Variants in VGLL4 observed in about 807,000 individuals in gnomAD.
The protein encoded by VGLL4 is transcription cofactor vestigial-like protein 4.
In VGLL4, 7 loss-of-function variants were observed where a neutral mutation model predicts 21.0. That is an observed-to-expected ratio of 0.33 (90% confidence interval 0.19 to 0.63). The LOEUF (loss-of-function observed/expected upper bound fraction) is 0.63, where lower values mean the gene tolerates loss of function less well. VGLL4 is among the 20% of genes least tolerant of loss of function. The pLI is 0.78. For synonymous variants in VGLL4, 222 were observed against 173.2 expected (o/e 1.28, Z -2.21); for missense variants, 394 against 425.7 (o/e 0.93, Z 0.66).
At chr3:11,620,071 A>G (rs1299960245) in intron 1 of VGLL4, among the ~76,000 whole-genome samples, 1 of 152,198 alleles carries the variant, frequency 6.6e-6, no homozygotes, top group Admixed American at 6.5e-5. Flanking sequence ...AGTAATCAGG[A>G]TGTTGGGTAC....
intron 1 of VGLL4, among the ~76,000 whole-genome samples, chr3:11,704,409 A>G (rs148811470): frequency 6.7e-6 from 1 of 149,956 alleles, no homozygotes; most frequent in African/African-American, 2.5e-5. Flanking sequence ...AAAAAAAGAA[A>G]AAAAGAAAAG....
At chr3:11,711,283 T>TA (rs2076839162) in intron 1 of VGLL4, among the ~76,000 whole-genome samples, 1 of 152,058 alleles carries the variant, frequency 6.6e-6, no homozygotes, top group Non-Finnish European at 1.5e-5. Flanking sequence ...TTCACCCCTG[T>TA]AATCCCAGCA....
At chr3:11,567,282 CAGCCCTCAGTG>C (rs2073581816) in intron 2 of VGLL4, among the ~76,000 whole-genome samples, 1 of 152,132 alleles carries the variant, frequency 6.6e-6, no homozygotes, top group Non-Finnish European at 1.5e-5. Flanking sequence ...CGGCGCAGTG[CAGCCCTCAGTG>C]AGCGCCAAGA....
chr3:11,717,740 GC>G (rs2076939293), intron 1 of VGLL4, among the ~76,000 whole-genome samples: 1 of 152,140 alleles, frequency 6.6e-6, no homozygotes, highest in South Asian at 2.1e-4. Flanking sequence ...TTGGGGGATA[GC>G]AGTAACAACT....
intron 1 of VGLL4, among the ~76,000 whole-genome samples, chr3:11,619,041 C>T (rs1175834341): frequency 2.0e-5 from 3 of 152,192 alleles, no homozygotes; most frequent in Non-Finnish European, 4.4e-5. Flanking sequence ...GTGGCCGTTT[C>T]TGGGCCTACT....
chr3:11,607,925 C>G (rs549021919), intron 1 of VGLL4, among the ~76,000 whole-genome samples: 1 of 152,138 alleles, frequency 6.6e-6, no homozygotes, highest in Admixed American at 6.6e-5. Context: ...ATCAGTGTGT[C>G]GAGTGCCTGT....
chr3:11,681,593 A>G (rs2076371858), intron 2 of VGLL4, among the ~76,000 whole-genome samples: 1 of 152,256 alleles, frequency 6.6e-6, no homozygotes, highest in African/African-American at 2.4e-5. Flanking sequence ...CAATCTCAGA[A>G]GAAAAAACAT....
chr3:11,573,397 A>G (rs1217125971), intron 2 of VGLL4, among the ~76,000 whole-genome samples: 1 of 150,744 alleles, frequency 6.6e-6, no homozygotes, highest in African/African-American at 2.4e-5. Context: ...GAAAGAAAGA[A>G]AATGGCCCCA....
intron 1 of VGLL4, among the ~76,000 whole-genome samples, chr3:11,605,009 G>A (rs2074898035): frequency 7.1e-6 from 1 of 140,958 alleles, no homozygotes; most frequent in Non-Finnish European, 1.5e-5. Context: ...CTCTGAGATG[G>A]AAACCCCGCA....
At chr3:11,677,272 C>T (rs983040320) in intron 2 of VGLL4, among the ~76,000 whole-genome samples, 3 of 151,704 alleles carry the variant, frequency 2.0e-5, no homozygotes, top group Non-Finnish European at 4.4e-5. Context: ...AAAGAACAGA[C>T]TGCAATTTTT....
At chr3:11,626,759 A>G (rs1248704902) in intron 1 of VGLL4, among the ~76,000 whole-genome samples, 1 of 152,216 alleles carries the variant, frequency 6.6e-6, no homozygotes, top group Non-Finnish European at 1.5e-5. Flanking sequence ...GCAAAGCTCA[A>G]CAAAGGAAGA....
intron 4 of VGLL4, among the ~76,000 whole-genome samples, 196 bp from the exon 5 acceptor site, chr3:11,559,023 C>G (rs1328925908): frequency 2.0e-5 from 3 of 152,174 alleles, no homozygotes; most frequent in Non-Finnish European, 4.4e-5. Context: ...GGTGATGTAC[C>G]AACTGCACTG....
At chr3:11,583,206 C>A (rs1304371289) in intron 2 of VGLL4, among the ~76,000 whole-genome samples, 1 of 152,186 alleles carries the variant, frequency 6.6e-6, no homozygotes, top group Non-Finnish European at 1.5e-5. Context: ...AATTGAAGCA[C>A]CACGGTATTT....
intron 2 of VGLL4, among the ~76,000 whole-genome samples, chr3:11,596,043 A>G (rs7644863): frequency 0.93 from 142,014 of 152,154 alleles, 66,407 homozygotes; most frequent in African/African-American, 0.95. Context: ...AAACATTCAC[A>G]TATTTGCTTG....
intron 1 of VGLL4, among the ~76,000 whole-genome samples, chr3:11,609,992 C>CAAA (rs2125282478): frequency 6.6e-6 from 1 of 152,262 alleles, no homozygotes; most frequent in Admixed American, 6.5e-5. Flanking sequence ...TAAGGCTTTA[C>CAAA]GTTCAGCCCC....
At chr3:11,703,358 C>T (rs2076710415) in intron 1 of VGLL4, among the ~76,000 whole-genome samples, 1 of 152,162 alleles carries the variant, frequency 6.6e-6, no homozygotes, top group Non-Finnish European at 1.5e-5. Context: ...GCATAACATG[C>T]CTGTATAAAC....
In VGLL4 at chr3:11,572,630, C is replaced by T. The variant is rs375312241; in HGVS notation, c.273-7611G>A. On this transcript the variant is annotated intron_variant, in intron 2 of 4. Coordinates refer to ENST00000430365, the MANE Select transcript of VGLL4 (RefSeq NM_001128219.3). ...TCCTCTTGCCACACGTGGATGTGTC[C>T]GGAAGCACACATCCGTCGCATGCTT... 2.0e-4 allele frequency among the ~76,000 whole-genome samples: 30 copies of T among 152,214 alleles called. 1 individual carries two copies. In the South Asian group the frequency reaches 6.0e-3, roughly 31 times the overall value.
chr3:11,681,405 T>TCAGGAGC (rs1314861526), intron 2 of VGLL4, among the ~76,000 whole-genome samples: 2 of 152,172 alleles, frequency 1.3e-5, no homozygotes, highest in Non-Finnish European at 2.9e-5. Flanking sequence ...ATTCATTCAT[T>TCAGGAGC]CAGGAGCCTG....
chr3:11,590,039 A>T (rs1008032155), intron 2 of VGLL4, among the ~76,000 whole-genome samples: 4 of 152,200 alleles, frequency 2.6e-5, no homozygotes, highest in Non-Finnish European at 5.9e-5. Flanking sequence ...AAGACTTCTC[A>T]AAGCCTGAAA....
Sources: gnomAD v4.1 joint callset for allele counts (sites outside exome capture counted in the v4.1 genomes callset) on GRCh38, gnomAD v4.1.1 for gene constraint, MANE v1.5 for transcripts, NCBI Gene and HGNC (gene_info 2026-07-23, HGNC 2026-07-21) for gene names.